The following DPP10 variants were observed in gnomAD, a reference collection of about 807,000 sequenced individuals.
DPP10 encodes dipeptidyl peptidase like 10, also known as inactive dipeptidyl peptidase 10.
A neutral mutation model predicts 120.9 loss-of-function variants in DPP10; 33 were observed. That is an observed-to-expected ratio of 0.27 (90% confidence interval 0.21 to 0.37). The LOEUF is 0.37. Ranked by LOEUF, DPP10 falls within the 10% of genes least tolerant of loss-of-function variation. The pLI is 1.00. For missense variants in DPP10, 816 were observed against 942.8 expected (o/e 0.87, Z 1.76); for synonymous variants, 337 against 326.1 (o/e 1.03, Z -0.36).
intron 1 of DPP10, among the ~76,000 whole-genome samples, chr2:114,877,198 A>G (rs974601079): frequency 1.3e-5 from 2 of 152,098 alleles, no homozygotes; most frequent in African/African-American, 2.4e-5. Flanking sequence ...AACTGCTTTC[A>G]TTTAACTTCC....
intron 21 of DPP10, among the ~76,000 whole-genome samples, chr2:115,821,008 G>T (rs200443673): frequency 7.9e-5 from 12 of 152,134 alleles, no homozygotes; most frequent in East Asian, 5.8e-4. Context: ...AGATCAAATG[G>T]TAGTTCTACT....
At chr2:115,228,550 T>A (rs2057563613) in intron 1 of DPP10, among the ~76,000 whole-genome samples, 1 of 152,040 alleles carries the variant, frequency 6.6e-6, no homozygotes, top group South Asian at 2.1e-4. Context: ...CTGGTAACCA[T>A]CATTCTACTC....
In DPP10 at chr2:115,614,991, T is replaced by A. The variant is rs1036698035; in HGVS notation, c.442-74696T>A. On this transcript the variant is annotated intron_variant, in intron 5 of 25. Transcript: ENST00000410059. Reference sequence around the variant, plus strand: ...GCTTTTAAATAATATAAATTATTATTACCTATGTCCACATGCAGAGGCAGA... The same window carrying A: ...GCTTTTAAATAATATAAATTATTATAACCTATGTCCACATGCAGAGGCAGA... Among the ~76,000 whole-genome samples, 3 of 152,212 alleles carry A rather than the reference T, an allele frequency of 2.0e-5. No individual in the cohort carries two copies. The East Asian group carries it at 5.8e-4, about 29-fold the overall frequency.
intron 5 of DPP10, among the ~76,000 whole-genome samples, chr2:115,571,797 C>T (rs573365253): frequency 6.6e-6 from 1 of 151,700 alleles, no homozygotes; most frequent in East Asian, 1.9e-4. Context: ...GTCTCAAAAC[C>T]CCAAGTCCAT....
intron 21 of DPP10, among the ~76,000 whole-genome samples, chr2:115,828,035 T>C (rs375402007): frequency 6.6e-6 from 1 of 152,158 alleles, no homozygotes; most frequent in East Asian, 1.9e-4. Flanking sequence ...TTTCTTCTGC[T>C]TGAAGAACAT....
In DPP10 at chr2:115,618,208, C is replaced by A. The variant is rs147015791; in HGVS notation, c.442-71479C>A. Among the ~76,000 whole-genome samples the A allele has an allele frequency of 1.2e-4, 18 of 152,220 alleles. No homozygotes were observed. In the East Asian group the frequency reaches 3.5e-3, roughly 29 times the overall value. Reference sequence around the variant, plus strand: ...AATCTGTAAAGAAACAAATAATATGCTTTCTACTAGGGATGAGTGTTTTGA... The same window carrying A: ...AATCTGTAAAGAAACAAATAATATGATTTCTACTAGGGATGAGTGTTTTGA... On this transcript the variant is annotated intron_variant, in intron 5 of 25. Transcript: ENST00000410059.
chr2:115,399,069 C>G (rs2067881564), intron 3 of DPP10, among the ~76,000 whole-genome samples: 1 of 152,112 alleles, frequency 6.6e-6, no homozygotes, highest in South Asian at 2.1e-4. Context: ...ACTAAATACT[C>G]TGAGGCAGTG....
At chr2:115,307,676 G>A (rs1313359361) in intron 1 of DPP10, among the ~76,000 whole-genome samples, 1 of 151,946 alleles carries the variant, frequency 6.6e-6, no homozygotes, top group East Asian at 1.9e-4. Context: ...CCTTGAAGTA[G>A]GGCATCATTA....
intron 1 of DPP10, among the ~76,000 whole-genome samples, chr2:115,185,123 G>T (rs1484000193): frequency 2.0e-5 from 3 of 152,162 alleles, no homozygotes; most frequent in African/African-American, 7.2e-5. Context: ...TATACCTCAT[G>T]AGTACTCAAC....
chr2:115,400,014 G>A (rs1261950104), intron 3 of DPP10, among the ~76,000 whole-genome samples: 4 of 152,088 alleles, frequency 2.6e-5, no homozygotes, highest in Non-Finnish European at 1.5e-5. Flanking sequence ...AGAGCAGGAC[G>A]TCTCATATGG....
chr2:114,663,696 G>GAA (rs35895122), intron 1 of DPP10, among the ~76,000 whole-genome samples: 1 of 146,538 alleles, frequency 6.8e-6, no homozygotes, highest in African/African-American at 2.6e-5. Context: ...GAGAGAGAGA[G>GAA]AAACTGACTG....
chr2:114,975,703 T>A (rs1389612284), intron 1 of DPP10, among the ~76,000 whole-genome samples: 1 of 152,088 alleles, frequency 6.6e-6, no homozygotes, highest in African/African-American at 2.4e-5. Context: ...CAGGCTGGAG[T>A]GCAGTGGTGC....
intron 1 of DPP10, among the ~76,000 whole-genome samples, chr2:114,522,498 C>T (rs1573558361): frequency 6.6e-6 from 1 of 152,042 alleles, no homozygotes; most frequent in East Asian, 1.9e-4. Context: ...AGAGATAGGA[C>T]TAAAAAAACA....
At chr2:115,405,661 C>T (rs2068451944) in intron 3 of DPP10, among the ~76,000 whole-genome samples, 1 of 152,192 alleles carries the variant, frequency 6.6e-6, no homozygotes, top group Non-Finnish European at 1.5e-5. Flanking sequence ...ACCTCCTCCA[C>T]TCTTGCATTC....
chr2:114,446,747 C>T (rs1007279682), intron 1 of DPP10, among the ~76,000 whole-genome samples: 1 of 152,076 alleles, frequency 6.6e-6, no homozygotes, highest in Non-Finnish European at 1.5e-5. Flanking sequence ...ATTTTTACTG[C>T]CTTTTATATT....
chr2:114,956,826 A>G (rs930841241), intron 1 of DPP10, among the ~76,000 whole-genome samples: 3 of 152,086 alleles, frequency 2.0e-5, no homozygotes, highest in African/African-American at 7.2e-5. Context: ...GGCAAAGATA[A>G]CAAGAATATG....
At chr2:115,152,572 T>C (rs2051629395) in intron 1 of DPP10, among the ~76,000 whole-genome samples, 1 of 152,202 alleles carries the variant, frequency 6.6e-6, no homozygotes, top group Non-Finnish European at 1.5e-5. Flanking sequence ...AATAGATATA[T>C]TGGCTTGTTT....
intron 5 of DPP10, among the ~76,000 whole-genome samples, chr2:115,534,785 T>G (rs1376949063): frequency 6.6e-6 from 1 of 151,166 alleles, no homozygotes; most frequent in Non-Finnish European, 1.5e-5. Flanking sequence ...GTTTCCTGAC[T>G]TTTTTAATGA....
chr2:115,314,916 T>G (rs192750208), intron 2 of DPP10, among the ~76,000 whole-genome samples: 43 of 152,268 alleles, frequency 2.8e-4, no homozygotes, highest in Admixed American at 2.6e-3. Context: ...ATGCCTTTTT[T>G]ACATCAACCT....
Sources: gnomAD v4.1 joint callset for allele counts (sites outside exome capture counted in the v4.1 genomes callset) on GRCh38, gnomAD v4.1.1 for gene constraint, MANE v1.5 for transcripts, NCBI Gene and HGNC (gene_info 2026-07-23, HGNC 2026-07-21) for gene names.